Variants in MEI4 observed in about 807,000 individuals in gnomAD.
The protein encoded by MEI4 is meiosis-specific protein MEI4.
A neutral mutation model predicts 31.4 loss-of-function variants in MEI4; 27 were observed. The observed-to-expected ratio is 0.86, with a 90% CI of 0.63 to 1.19. MEI4 has a LOEUF of 1.19. Ranked by LOEUF, MEI4 falls within the 50% of genes most tolerant of loss-of-function variation. The pLI is 0.00. For missense variants in MEI4, 329 were observed against 398.9 expected, an observed-to-expected ratio of 0.82 and a Z score of 1.49; for synonymous variants, 122 against 145.4, an observed-to-expected ratio of 0.84 and a Z score of 1.16.
chr6:77,695,081 G>A (rs537348474), intron 2 of MEI4, among the ~76,000 whole-genome samples: 43 of 152,060 alleles, frequency 2.8e-4, no homozygotes, highest in Middle Eastern at 3.4e-3. Flanking sequence ...GTGTCTGTTC[G>A]TATCCTTCGC....
In MEI4 at chr6:77,924,476, C is replaced by T. The variant is rs797003952; in HGVS notation, c.*1130C>T. 17 of 151,496 alleles carry T rather than the reference C, an allele frequency of 1.1e-4. No homozygotes were observed. The highest frequency in any genetic ancestry group is 3.9e-4 in the East Asian group (2 of 5,140). 9.4% of individuals were successfully genotyped at this position (151,496 alleles called of 1,614,324 possible). A position where few individuals can be genotyped will look rare whatever the true frequency, so the allele number is the denominator to read the frequency against. ...TTTTGTTATGTGACAGATAGATAATCAATCACAAAATATCTATCAGTGGCA... is the reference window on the plus strand; with the variant it reads ...TTTTGTTATGTGACAGATAGATAATTAATCACAAAATATCTATCAGTGGCA... On this transcript the variant is annotated 3_prime_UTR_variant, in exon 5 of 5. Transcript: ENST00000684080.
chr6:77,802,367 T>A (rs565208366), intron 3 of MEI4, among the ~76,000 whole-genome samples: 1 of 152,322 alleles, frequency 6.6e-6, no homozygotes, highest in Admixed American at 6.5e-5. Context: ...TGTGTGTCTC[T>A]GCATGTGAGA....
chr6:77,893,940 A>AC (rs1766023077), intron 4 of MEI4, among the ~76,000 whole-genome samples: 1 of 152,152 alleles, frequency 6.6e-6, no homozygotes, highest in Non-Finnish European at 1.5e-5. Flanking sequence ...CATATAACAA[A>AC]CCTGCTCATG....
At chr6:77,907,650 C>G (rs552072038) in intron 4 of MEI4, among the ~76,000 whole-genome samples, 16 of 152,204 alleles carry the variant, frequency 1.1e-4, no homozygotes, top group African/African-American at 3.9e-4. Flanking sequence ...TGGGTATATA[C>G]CCAGTAATGG....
At chr6:77,654,472 G>A (rs1379820687) in intron 1 of MEI4, among the ~76,000 whole-genome samples, 1 of 149,958 alleles carries the variant, frequency 6.7e-6, no homozygotes, top group African/African-American at 2.5e-5. Context: ...AGCAAATTCA[G>A]TAGACCTTCC....
At chr6:77,750,053 AC>A (rs1300420337) in intron 2 of MEI4, among the ~76,000 whole-genome samples, 2 of 152,228 alleles carry the variant, frequency 1.3e-5, no homozygotes, top group African/African-American at 4.8e-5. Flanking sequence ...AAAATTCTTT[AC>A]AGACAAGCAA....
chr6:77,867,474 C>T (rs374744441), intron 4 of MEI4, among the ~76,000 whole-genome samples: 1 of 152,190 alleles, frequency 6.6e-6, no homozygotes, highest in East Asian at 1.9e-4. Flanking sequence ...AAATGCTCAT[C>T]ATCACTGGCC....
Position 77,847,550 on chromosome 6 carries a change from G to T in MEI4, c.900+18488G>T, listed in dbSNP as rs117102243. Among the ~76,000 whole-genome samples the T allele has an allele frequency of 1.5e-3, 232 of 152,106 alleles. 6 individuals are homozygous for T. In the East Asian group the frequency reaches 0.043, roughly 28 times the overall value. On this transcript the variant is annotated intron_variant, in intron 4 of 4. Coordinates refer to ENST00000684080, the MANE Select transcript of MEI4 (RefSeq NM_001322247.2). The surrounding 1 kb of genome is among the most constrained non-coding windows in gnomAD (Gnocchi z 4.6). ...ACTGATTGTTTTTCTCTTGTTTCCT[G>T]TGGCAAGTAAAATATATTTGTTCAG... is the stretch of plus-strand genomic sequence containing the variant.
intron 3 of MEI4, among the ~76,000 whole-genome samples, chr6:77,806,461 A>T (rs1222946876): frequency 6.6e-6 from 1 of 152,162 alleles, no homozygotes. Flanking sequence ...AGAAATTTAT[A>T]TAACAGGTAT....
chr6:77,848,916 C>T (rs1770549181), intron 4 of MEI4, among the ~76,000 whole-genome samples: 1 of 151,974 alleles, frequency 6.6e-6, no homozygotes, highest in Non-Finnish European at 1.5e-5. Context: ...AAGTGTGATG[C>T]TGAATGTCCT....
At chr6:77,675,094 TAG>T (rs1491030910) in intron 1 of MEI4, among the ~76,000 whole-genome samples, 2 of 151,652 alleles carry the variant, frequency 1.3e-5, no homozygotes, top group Admixed American at 1.3e-4. Context: ...TCATTTTTAT[TAG>T]ACAGTGAAGG....
intron 1 of MEI4, among the ~76,000 whole-genome samples, chr6:77,672,019 G>A (rs1768752729): frequency 6.6e-6 from 1 of 152,038 alleles, no homozygotes; most frequent in Admixed American, 6.6e-5. Flanking sequence ...TTTGTTTAGT[G>A]ACATGCATAT....
chr6:77,840,819 T>A (rs1770339115), intron 4 of MEI4, among the ~76,000 whole-genome samples: 1 of 152,164 alleles, frequency 6.6e-6, no homozygotes, highest in South Asian at 2.1e-4. Context: ...TTCAAATGAC[T>A]GCACTTTTCA....
intron 1 of MEI4, among the ~76,000 whole-genome samples, chr6:77,672,544 A>G (rs1000766640): frequency 9.2e-5 from 14 of 151,988 alleles, no homozygotes; most frequent in Admixed American, 6.6e-5. Flanking sequence ...CTGGTTTATT[A>G]TTTTGTTTTT....
At chr6:77,921,726 CAATATTGTTTTGTCTCAGAGAAT>C (rs988269879) in intron 4 of MEI4, among the ~76,000 whole-genome samples, 5 of 151,640 alleles carry the variant, frequency 3.3e-5, no homozygotes, top group African/African-American at 1.2e-4. Context: ...GGCCTGATTT[CAATATTGTTTTGTCTCAGAGAAT>C]AAGGAGGCCT....
intron 4 of MEI4, among the ~76,000 whole-genome samples, chr6:77,861,898 T>C (rs1770875433): frequency 6.6e-6 from 1 of 152,162 alleles, no homozygotes. Context: ...CTGATGATCT[T>C]TTTTTATAAT....
At chr6:77,813,476 T>C (rs1241974575) in intron 3 of MEI4, among the ~76,000 whole-genome samples, 1 of 151,476 alleles carries the variant, frequency 6.6e-6, no homozygotes, top group African/African-American at 2.4e-5. Flanking sequence ...CCCCAGATTC[T>C]AGGCCAATCT....
chr6:77,862,111 A>C (rs1770881226), intron 4 of MEI4, among the ~76,000 whole-genome samples: 1 of 151,974 alleles, frequency 6.6e-6, no homozygotes, highest in African/African-American at 2.4e-5. Context: ...CCGAATAGGA[A>C]CAGCTCCAGT....
chr6:77,860,308 G>C (rs1465962123), intron 4 of MEI4, among the ~76,000 whole-genome samples: 1 of 152,158 alleles, frequency 6.6e-6, no homozygotes, highest in Non-Finnish European at 1.5e-5. Flanking sequence ...GATAGCAGCT[G>C]CTAGGTGCAC....
Sources: gnomAD v4.1 joint callset for allele counts (sites outside exome capture counted in the v4.1 genomes callset) on GRCh38, gnomAD v4.1.1 for gene constraint, Gnocchi (gnomAD v3.1) non-coding constraint, MANE v1.5 for transcripts, NCBI Gene and HGNC (gene_info 2026-07-23, HGNC 2026-07-21) for gene names.